TLDC2: variants seen among roughly 807,000 people sequenced by gnomAD.
TLDC2 encodes TLD domain-containing protein 2.
In TLDC2, 23 loss-of-function variants were observed where a neutral mutation model predicts 27.9. That is an observed-to-expected ratio of 0.82 (90% confidence interval 0.59 to 1.17). The LOEUF (loss-of-function observed/expected upper bound fraction) is 1.17. Among genes scored for constraint, TLDC2 ranks in the 50% most tolerant of loss-of-function variants. The pLI, the probability that TLDC2 is intolerant of heterozygous loss-of-function variation, is 0.00. For synonymous variants in TLDC2, 124 were observed against 107.4 expected (o/e 1.16, Z -0.96); for missense variants, 286 against 273.4 (o/e 1.05, Z -0.32).
intron 4 of TLDC2, among the ~76,000 whole-genome samples, 173 bp from the exon 5 acceptor site, chr20:36,887,279 CAAG>C (rs1183390503): frequency 6.6e-6 from 1 of 151,820 alleles, no homozygotes; most frequent in East Asian, 1.9e-4. Context: ...GTGGTGACTC[CAAG>C]GAGACTGAGA....
intron 4 of TLDC2, among the ~76,000 whole-genome samples, chr20:36,885,085 G>A (rs1335397676): frequency 6.6e-6 from 1 of 151,882 alleles, no homozygotes; most frequent in Non-Finnish European, 1.5e-5. Flanking sequence ...CCACGTTGGC[G>A]AGGCTGGTCT....
intron 3 of TLDC2, among the ~76,000 whole-genome samples, chr20:36,880,058 AATATATATATACATATATATATATATAT>A (rs1989765279): frequency 2.8e-5 from 1 of 36,322 alleles, no homozygotes; most frequent in Non-Finnish European, 7.0e-5. Flanking sequence ...ACTTGTGTAG[AATATATATATACATATATATATATATAT>A]ATATATATAT....
In TLDC2 at chr20:36,880,641, C is replaced by A. The variant is rs757420377; in HGVS notation, c.343-14C>A. On this transcript the variant is annotated splice_polypyrimidine_tract_variant and intron_variant, in intron 3 of 6. Coordinates refer to ENST00000217320, the MANE Select transcript of TLDC2 (RefSeq NM_080628.3). ...GCTCCCTTCCAGCTGCAGACTACAA[C>A]TTCCACTTTCCAGATATTTGGAGCC... 2 of 1,612,232 alleles carry A rather than the reference C, an allele frequency of 1.2e-6. No individual in the cohort carries two copies. The highest frequency in any genetic ancestry group is 1.7e-6 in the Non-Finnish European group (2 of 1,178,318).
chr20:36,887,316 C>T (rs1358549925), intron 4 of TLDC2, 139 bp from the exon 5 acceptor site: 1 of 738,236 alleles, frequency 1.4e-6, no homozygotes, highest in Non-Finnish European at 2.5e-6. Context: ...GATCCCTGAG[C>T]CCGGAGTCCC....
At position 36,887,798 on chromosome 20, in the gene TLDC2, C is replaced by G. The variant is rs149654523; in HGVS notation, c.512+270C>G. ...TGTATGCAACTTTGGGAAAAGAATT[C>G]CACATGGTTGGATGAGACTAGCGTC... On this transcript the variant is annotated intron_variant, in intron 5 of 6. Coordinates refer to ENST00000217320, the MANE Select transcript of TLDC2 (RefSeq NM_080628.3). Among the ~76,000 whole-genome samples the G allele has an allele frequency of 3.8e-3, 585 of 152,306 alleles. 3 individuals carry two copies. Among genetic ancestry groups the G allele is most frequent in the Middle Eastern group, 0.014 (4 of 294 alleles).
At chr20:36,885,862 T>C (rs1189358696) in intron 4 of TLDC2, among the ~76,000 whole-genome samples, 6 of 152,100 alleles carry the variant, frequency 3.9e-5, no homozygotes, top group African/African-American at 1.4e-4. Context: ...TAAAGAGGAA[T>C]GAAACAGGGT....
chr20:36,889,424 T>C (rs370489232), intron 6 of TLDC2, 21 bp downstream of exon 6: 36 of 1,605,844 alleles, frequency 2.2e-5, no homozygotes, highest in Non-Finnish European at 3.0e-5. Flanking sequence ...CTGCTCATGA[T>C]GCCACCCAGG....
intron 1 of TLDC2, among the ~76,000 whole-genome samples, chr20:36,876,625 C>T (rs920684146): frequency 1.3e-5 from 2 of 152,078 alleles, no homozygotes; most frequent in African/African-American, 4.8e-5. Context: ...CATACACATA[C>T]ATATAACATA....
At chr20:36,877,425 C>T in intron 1 of TLDC2, among the ~76,000 whole-genome samples, 1 of 151,044 alleles carries the variant, frequency 6.6e-6, no homozygotes, top group Non-Finnish European at 1.5e-5. Flanking sequence ...AAGAAACACA[C>T]AGAGATCACA....
chr20:36,884,338 C>T (rs531464577), intron 4 of TLDC2, among the ~76,000 whole-genome samples: 62 of 152,286 alleles, frequency 4.1e-4, no homozygotes, highest in African/African-American at 1.4e-3. Context: ...TGCCTCAGGG[C>T]CTTTGCACGT....
At chr20:36,878,081 A>G (rs150896851) in intron 2 of TLDC2, 27 bp downstream of exon 2, 2 of 1,598,578 alleles carry the variant, frequency 1.3e-6, no homozygotes, top group East Asian at 4.5e-5. Context: ...TGGCACAAGA[A>G]TTTCAGCCCT....
chr20:36,886,696 T>C (rs1286732170), intron 4 of TLDC2, among the ~76,000 whole-genome samples: 5 of 152,124 alleles, frequency 3.3e-5, no homozygotes, highest in African/African-American at 1.2e-4. Flanking sequence ...TGGCCTCAAG[T>C]GATCCTCCCG....
At chr20:36,877,745 G>A (rs1045861708) in intron 1 of TLDC2, among the ~76,000 whole-genome samples, 154 bp from the exon 2 acceptor site, 9 of 152,176 alleles carry the variant, frequency 5.9e-5, no homozygotes, top group East Asian at 3.9e-4. Flanking sequence ...CCTGTCTGTC[G>A]TGGAAACCCC....
chr20:36,881,250 T>C (rs1417817506), intron 4 of TLDC2, among the ~76,000 whole-genome samples: 1 of 151,776 alleles, frequency 6.6e-6, no homozygotes, highest in Non-Finnish European at 1.5e-5. Context: ...CATGGTAGAG[T>C]ACACCTGTAG....
intron 4 of TLDC2, among the ~76,000 whole-genome samples, chr20:36,883,500 T>G (rs1989858130): frequency 6.6e-6 from 1 of 152,036 alleles, no homozygotes; most frequent in African/African-American, 2.4e-5. Context: ...GCACAAAGCC[T>G]CCTCCTCCTG....
chr20:36,880,433 G>A (rs532433586), intron 3 of TLDC2, among the ~76,000 whole-genome samples: 29 of 152,100 alleles, frequency 1.9e-4, no homozygotes, highest in Admixed American at 4.6e-4. Context: ...GGGCCCTGAC[G>A]GCCCAGAGGA....
intron 3 of TLDC2, among the ~76,000 whole-genome samples, chr20:36,880,073 A>ATATATATATATATATATATGTG (rs1779649719): frequency 7.4e-5 from 3 of 40,574 alleles, no homozygotes; most frequent in African/African-American, 1.8e-4. Context: ...ATATATACAT[A>ATATATATATATATATATATGTG]TATATATATA....
intron 2 of TLDC2, 90 bp from the exon 3 acceptor site, chr20:36,878,951 G>A: frequency 6.3e-7 from 1 of 1,590,146 alleles, no homozygotes; most frequent in Non-Finnish European, 8.6e-7. Flanking sequence ...GCACTGTGCT[G>A]GATGCATGCT....
intron 6 of TLDC2, chr20:36,889,981 T>C (rs1209045837): frequency 1.3e-5 from 2 of 152,142 alleles, no homozygotes; most frequent in Admixed American, 6.6e-5. Flanking sequence ...TGATTTTAAC[T>C]TACAGAATAT....
Sources: allele counts gnomAD v4.1 joint callset (sites outside exome capture counted in the v4.1 genomes callset), GRCh38; gene constraint gnomAD v4.1.1; transcripts MANE v1.5; gene names NCBI Gene and HGNC (gene_info 2026-07-23, HGNC 2026-07-21).